BACH1: variants seen among roughly 807,000 people sequenced by gnomAD.
The protein encoded by BACH1 is transcription regulator protein BACH1.
Under a neutral mutation model 52.9 loss-of-function variants are expected in BACH1, and 35 were observed. The ratio of observed to expected loss-of-function variants is 0.66; its 90% confidence interval spans 0.51 to 0.88. The LOEUF (loss-of-function observed/expected upper bound fraction) is 0.88. Ranked by LOEUF, BACH1 falls within the 40% of genes least tolerant of loss-of-function variation. The pLI is 0.00. For synonymous variants in BACH1, 321 were observed against 319.6 expected (o/e 1.00, Z -0.05); for missense variants, 808 against 872.6 (o/e 0.93, Z 0.93).
At chr21:29,301,764 T>A (rs2088606189) in intron 1 of BACH1, among the ~76,000 whole-genome samples, 1 of 152,208 alleles carries the variant, frequency 6.6e-6, no homozygotes, top group South Asian at 2.1e-4. Context: ...GTACTGTTAC[T>A]CCTTGAAGTC....
intron 1 of BACH1, among the ~76,000 whole-genome samples, chr21:29,314,930 A>C (rs972561771): frequency 1.3e-5 from 2 of 152,184 alleles, no homozygotes; most frequent in Non-Finnish European, 2.9e-5. Flanking sequence ...TTGGTCATGG[A>C]GTTACTCTTC....
chr21:29,317,876 G>C lies in BACH1; in HGVS notation c.-60-3345G>C, dbSNP rs944192018. 5.9e-5 allele frequency among the ~76,000 whole-genome samples: 9 copies of C among 152,240 alleles called. No homozygotes were observed. In the South Asian group the frequency reaches 1.9e-3, roughly 32 times the overall value. Reference sequence around the variant, plus strand: ...GAGGTGGTGTTTTCTCTACTTTATAGATGAGGGAACCGAGACAGTGAGGTT... The same window carrying C: ...GAGGTGGTGTTTTCTCTACTTTATACATGAGGGAACCGAGACAGTGAGGTT... On this transcript the variant is annotated intron_variant, in intron 1 of 4. Transcript: ENST00000286800.
Position 29,353,220 on chromosome 21 carries a change from G to A in BACH1, c.472+23527G>A, listed in dbSNP as rs541771175. Among the ~76,000 whole-genome samples the A allele has an allele frequency of 3.9e-5, 6 of 152,296 alleles. No homozygotes were observed. The South Asian group carries it at 1.2e-3, about 32-fold the overall frequency. The stretch of plus-strand genomic sequence containing the variant: ...GTAAGAACTGAAGGAGGTGAAGTGA[G>A]TTTTAGTGGTTACACATTGCAAATT... On this transcript the variant is annotated intron_variant, in intron 2 of 4. Transcript: ENST00000422809.
Position 29,327,348 on chromosome 21 carries a change from C to G in BACH1, c.1524C>G (p.Thr508=). 6.2e-7 allele frequency: 1 copy of G among 1,614,046 alleles called. No individual in the cohort carries two copies. The highest frequency in any genetic ancestry group is 8.5e-7 in the Non-Finnish European group (1 of 1,179,994). Residue 508 remains threonine, a synonymous_variant, in exon 3 of 5, where the codon ACC becomes ACG. Transcript: ENST00000286800. ...TGGGAGACGACTCTGAGACGGACAC[C>G]GAAGGAGACAGTGAATCCTGTTCAG... The part of the protein sequence containing the change: ...ISLGDDSETD[T]EGDSESCSAR...
intron 1 of BACH1, among the ~76,000 whole-genome samples, chr21:29,302,088 C>T (rs1333890868): frequency 6.6e-6 from 1 of 152,152 alleles, no homozygotes; most frequent in Non-Finnish European, 1.5e-5. Flanking sequence ...TAGGAATCAC[C>T]ACCTCTCTTC....
At chr21:29,316,383 A>G (rs2088787059) in intron 1 of BACH1, among the ~76,000 whole-genome samples, 1 of 152,224 alleles carries the variant, frequency 6.6e-6, no homozygotes, top group South Asian at 2.1e-4. Context: ...CTTTATCAGC[A>G]CTAGTGAATG....
chr21:29,324,829 T>C (rs150363037), intron 2 of BACH1, among the ~76,000 whole-genome samples: 31 of 152,316 alleles, frequency 2.0e-4, no homozygotes, highest in African/African-American at 7.2e-4. Flanking sequence ...ACTAGCAATA[T>C]GTGAGTGATT....
chr21:29,307,370 A>G (rs1288310403), intron 1 of BACH1, among the ~76,000 whole-genome samples: 1 of 152,168 alleles, frequency 6.6e-6, no homozygotes, highest in African/African-American at 2.4e-5. Context: ...GAAAGATTAA[A>G]TCAAGCTAAT....
chr21:29,328,522 T>C (rs2088942214), intron 3 of BACH1, among the ~76,000 whole-genome samples: 1 of 152,230 alleles, frequency 6.6e-6, no homozygotes, highest in South Asian at 2.1e-4. Context: ...TTGCATTTTT[T>C]CCCCTTTCTT....
chr21:29,349,047 T>C (rs1367569156), downstream of BACH1, among the ~76,000 whole-genome samples: 1 of 150,012 alleles, frequency 6.7e-6, no homozygotes. Flanking sequence ...TGAGCCGAGA[T>C]AGCGCCACTG....
chr21:29,325,329 T>C (rs1284983079), intron 2 of BACH1, among the ~76,000 whole-genome samples: 1 of 152,204 alleles, frequency 6.6e-6, no homozygotes, highest in East Asian at 1.9e-4. Flanking sequence ...GGATGATGCC[T>C]TCTGTGTACT....
chr21:29,321,275 T>G lies in BACH1; in HGVS notation c.-6T>G. ...CTGAACTTCCCGACAACATTTGTTATGCAGAATGTCTCTGAGTGAGAACTC... is the reference window on the plus strand; with the variant it reads ...CTGAACTTCCCGACAACATTTGTTAGGCAGAATGTCTCTGAGTGAGAACTC... On this transcript the variant is annotated 5_prime_UTR_variant, in exon 2 of 5. The change abolishes an upstream ATG in the 5' untranslated region. Coordinates refer to ENST00000286800, the MANE Select transcript of BACH1 (RefSeq NM_001186.4). 1.9e-6 allele frequency: 3 copies of G among 1,607,504 alleles called. No individual in the cohort carries two copies. Among genetic ancestry groups the G allele is most frequent in the Non-Finnish European group, 2.6e-6 (3 of 1,173,988 alleles).
chr21:29,317,471 T>C (rs568058134), intron 1 of BACH1, among the ~76,000 whole-genome samples: 19 of 151,710 alleles, frequency 1.3e-4, no homozygotes, highest in Non-Finnish European at 2.4e-4. Context: ...GTGGCCACAG[T>C]GTATGTGGAG....
intron 3 of BACH1, among the ~76,000 whole-genome samples, chr21:29,329,015 C>T (rs916830666): frequency 1.3e-5 from 2 of 152,082 alleles, no homozygotes; most frequent in Non-Finnish European, 2.9e-5. Context: ...ACGAATATGG[C>T]GGGGAGTACA....
At chr21:29,316,791 C>T (rs1234071711) in intron 1 of BACH1, among the ~76,000 whole-genome samples, 1 of 152,184 alleles carries the variant, frequency 6.6e-6, no homozygotes, top group African/African-American at 2.4e-5. Flanking sequence ...AGTTGCCAGT[C>T]CTTGCTCTTT....
chr21:29,330,238 C>T (rs1165373990), intron 4 of BACH1, among the ~76,000 whole-genome samples: 1 of 152,140 alleles, frequency 6.6e-6, no homozygotes, highest in Admixed American at 6.5e-5. Context: ...GATCTCGGCT[C>T]ACTGCAAGCT....
rs531529869 is a variant in BACH1 at position 29,299,286 on chromosome 21, C to G, written c.-61+333C>G. Reference sequence around the variant, plus strand: ...GGCCGCGGGGTCCCTGCCCCACCCCCCTCCCTGCCCTCGGGCGCCAGCCCG... The same window carrying G: ...GGCCGCGGGGTCCCTGCCCCACCCCGCTCCCTGCCCTCGGGCGCCAGCCCG... On this transcript the variant is annotated intron_variant, in intron 1 of 4. Transcript: ENST00000286800. 3 of 152,026 alleles carry G rather than the reference C, an allele frequency of 2.0e-5. No individual in the cohort carries two copies. The East Asian group carries it at 5.8e-4, about 30-fold the overall frequency. 9.4% of individuals were successfully genotyped at this position (152,026 alleles called of 1,614,324 possible). A position where few individuals can be genotyped will look rare whatever the true frequency, so the allele number is the denominator to read the frequency against.
In BACH1 at chr21:29,323,665, A is replaced by G. The variant is rs571571644; in HGVS notation, c.234+2151A>G. 9.3e-4 allele frequency among the ~76,000 whole-genome samples: 141 copies of G among 152,318 alleles called. 6 individuals carry two copies. The South Asian group carries it at 0.029, about 31-fold the overall frequency. On this transcript the variant is annotated intron_variant, in intron 2 of 4. Coordinates refer to ENST00000286800, the MANE Select transcript of BACH1 (RefSeq NM_001186.4). Reference sequence around the variant, plus strand: ...TAGCAACGCCCTCACTGACACACCCAGAAACAAGACTTTACAGCCTTCAAT... The same window carrying G: ...TAGCAACGCCCTCACTGACACACCCGGAAACAAGACTTTACAGCCTTCAAT...
chr21:29,360,788 T>A (rs547614178), intron 2 of BACH1, among the ~76,000 whole-genome samples: 1 of 146,952 alleles, frequency 6.8e-6, no homozygotes, highest in African/African-American at 2.5e-5. Context: ...GAGGTTGCAG[T>A]GAGCTGAGAT....
Sources: allele counts gnomAD v4.1 joint callset (sites outside exome capture counted in the v4.1 genomes callset), GRCh38; gene constraint gnomAD v4.1.1; transcripts MANE v1.5; gene names NCBI Gene and HGNC (gene_info 2026-07-23, HGNC 2026-07-21).